The following FOXM1 variants were observed in gnomAD, a reference collection of about 807,000 sequenced individuals.
FOXM1 encodes the protein forkhead box protein M1.
Under a neutral mutation model 63.6 loss-of-function variants are expected in FOXM1, and 25 were observed. The ratio of observed to expected loss-of-function variants is 0.39; its 90% CI spans 0.29 to 0.55. FOXM1 has a LOEUF of 0.55. Among genes scored for constraint, FOXM1 ranks in the 20% least tolerant of loss-of-function variants. The pLI, the probability that FOXM1 is intolerant of heterozygous loss-of-function variation, is 0.60. For synonymous variants in FOXM1, 387 were observed against 376.9 expected, an observed-to-expected ratio of 1.03 and a Z score of -0.31; for missense variants, 879 against 958.7, an observed-to-expected ratio of 0.92 and a Z score of 1.10.
At chr12:2,861,269 C>A in intron 8 of FOXM1, 2 of 714,450 alleles carry the variant, frequency 2.8e-6, no homozygotes, top group Non-Finnish European at 5.0e-6. Flanking sequence ...TCCAAGTCAC[C>A]AAACATAATG....
Position 2,877,164 on chromosome 12 carries a change from G to C in FOXM1, c.-292C>G, listed in dbSNP as rs2098146888. ...TGTTCCGCTGTTTGAAATTGGCGCC[G>C]GCGGAGCGTTAAGGTCACGTGACGG... On this transcript the variant is annotated 5_prime_UTR_variant, in exon 1 of 9. Transcript: ENST00000359843. 6.6e-6 allele frequency: 1 copy of C among 152,238 alleles called. No homozygotes were observed. The highest frequency in any genetic ancestry group is 2.4e-5 in the African/African-American group (1 of 41,468). 9.4% of individuals were successfully genotyped at this position (152,238 alleles called of 1,614,324 possible).
intron 3 of FOXM1, among the ~76,000 whole-genome samples, chr12:2,869,602 CT>C (rs1364027229): frequency 6.6e-6 from 1 of 151,804 alleles, no homozygotes; most frequent in African/African-American, 2.4e-5. Context: ...CGCCCAGCTA[CT>C]TTTTTTGTAT....
At chr12:2,863,180 G>A (rs760093194) in intron 8 of FOXM1, among the ~76,000 whole-genome samples, 1 of 152,076 alleles carries the variant, frequency 6.6e-6, no homozygotes, top group Non-Finnish European at 1.5e-5. Context: ...GAAAACAAGG[G>A]ATACTGCTAA....
intron 1 of FOXM1, chr12:2,876,455 C>G (rs1409697907): frequency 6.6e-6 from 1 of 152,270 alleles, no homozygotes; most frequent in African/African-American, 2.4e-5. Flanking sequence ...GACCCATCCC[C>G]ATCCTGAGCG....
Position 2,859,292 on chromosome 12 carries a change from T to G in FOXM1, c.1638A>C (p.Arg546Ser). ...RERRERSRSR[R>S]KQHLLPPCVD... is the part of the protein sequence containing the mutation. ...CACAGGGAGGCAGTAGATGCTGTTTTCTCCGAGACCGGCTCCTCTCCCTCC... is the reference window on the plus strand; with the variant it reads ...CACAGGGAGGCAGTAGATGCTGTTTGCTCCGAGACCGGCTCCTCTCCCTCC... The change falls in exon 9 of 9, where the codon AGA becomes AGC. Residue 546 changes from arginine to serine, a missense_variant. Physicochemically the swap from Arg to Ser is moderately radical, Grantham distance 110. Around this residue, in one of 4 missense-constraint regions of FOXM1, gnomAD observed 486 missense variants for 453.5 expected, o/e 1.07. Transcript: ENST00000359843. 6.2e-7 allele frequency: 1 copy of G among 1,613,412 alleles called. No individual in the cohort carries two copies. The highest frequency in any genetic ancestry group is 8.5e-7 in the Non-Finnish European group (1 of 1,179,988).
At chr12:2,867,555 G>T (rs376627884) in intron 4 of FOXM1, among the ~76,000 whole-genome samples, 1 of 151,816 alleles carries the variant, frequency 6.6e-6, no homozygotes, top group African/African-American at 2.4e-5. Flanking sequence ...CCAGCTACTC[G>T]GGAAGCTGAG....
chr12:2,865,439 A>ACG, intron 5 of FOXM1, 40 bp from the exon 6 acceptor site: 1 of 1,563,422 alleles, frequency 6.4e-7, no homozygotes, highest in Non-Finnish European at 8.8e-7. Context: ...AATGAGATGA[A>ACG]GTTACCACCA....
chr12:2,864,998 A>G lies in FOXM1; in HGVS notation c.1021-246T>C, dbSNP rs2098120552. 3.4e-6 allele frequency: 2 copies of G among 594,922 alleles called. No homozygotes were observed. Among genetic ancestry groups the G allele is most frequent in the East Asian group, 2.8e-5 (1 of 35,458 alleles). 36.9% of individuals were successfully genotyped at this position (594,922 alleles called of 1,614,324 possible). ...CTACCGCTTCACCCACGTGTCCTCA[A>G]CACCCCTGGGGGATGCCAGAGCAGG... On this transcript the variant is annotated intron_variant, in intron 6 of 8. Transcript: ENST00000359843. The surrounding 1 kb of genome is among the most constrained non-coding windows in gnomAD (Gnocchi z 5.1).
At position 2,864,347 on chromosome 12, in the gene FOXM1, A is replaced by G. The variant is rs753071377; in HGVS notation, c.1239T>C (p.His413=). The G allele has an allele frequency of 1.2e-6, 2 of 1,612,140 alleles. No individual in the cohort carries two copies. Among genetic ancestry groups the G allele is most frequent in the South Asian group, 2.2e-5 (2 of 91,070 alleles). Residue 413 remains histidine (H), a synonymous_variant, in exon 8 of 9, where the codon CAT becomes CAC. Coordinates refer to ENST00000359843, the MANE Select transcript of FOXM1 (RefSeq NM_021953.4). This position sits in a 1 kb window ranked among gnomAD's most constrained non-coding sequence, Gnocchi z 5.1. ...TGGGGGCAATGCGGACTCGCTTGCT[A>G]TGGCGGGCAAGCTCTGAGCTCATGA... The part of the protein sequence containing the change: ...ASLMSSELAR[H]SKRVRIAPKV...
chr12:2,866,568 A>T, intron 4 of FOXM1, 47 bp from the exon 5 acceptor site: 1 of 1,477,858 alleles, frequency 6.8e-7, no homozygotes, highest in South Asian at 1.4e-5. Context: ...TTAGATTCAG[A>T]AACATCACCC....
At chr12:2,859,694 A>G in intron 8 of FOXM1, 31 bp from the exon 9 acceptor site, 2 of 1,530,652 alleles carry the variant, frequency 1.3e-6, no homozygotes, top group Non-Finnish European at 1.8e-6. Flanking sequence ...AGGTGAACCA[A>G]CGGTCACCAG....
chr12:2,867,075 C>A (rs915291213), intron 4 of FOXM1, among the ~76,000 whole-genome samples: 1 of 151,998 alleles, frequency 6.6e-6, no homozygotes, highest in Non-Finnish European at 1.5e-5. Flanking sequence ...ATCACTTGAA[C>A]CTGGGAGGCA....
Position 2,858,365 on chromosome 12 carries a change from C to A in FOXM1, c.*273G>T, listed in dbSNP as rs1246544201. The A allele has an allele frequency of 1.9e-5, 8 of 432,022 alleles. No individual in the cohort carries two copies. Among genetic ancestry groups the A allele is most frequent in the Non-Finnish European group, 3.3e-5 (8 of 240,870 alleles). 26.8% of individuals were successfully genotyped at this position (432,022 alleles called of 1,614,324 possible). On this transcript the variant is annotated 3_prime_UTR_variant, in exon 9 of 9. Coordinates refer to ENST00000359843, the MANE Select transcript of FOXM1 (RefSeq NM_021953.4). ...CTGCTGGGCAGAGAATGGAAACAGG[C>A]TGGGGGGTTCCTAATCTCTTTTCAC...
At position 2,870,084 on chromosome 12, in the gene FOXM1, G is replaced by A. The variant is rs149810178; in HGVS notation, c.655-1330C>T. Among the ~76,000 whole-genome samples, 1,447 of 150,956 alleles carry A rather than the reference G, an allele frequency of 9.6e-3. 26 individuals carry two copies. Among genetic ancestry groups the A allele is most frequent in the African/African-American group, 0.034 (1,377 of 41,078 alleles). On this transcript the variant is annotated intron_variant, in intron 3 of 8. Transcript: ENST00000359843. ...TGGCTCACCGCAAGCTCTGCCTCCT[G>A]GGTTCAAGTGATTCTCCTGCCTCAG...
chr12:2,861,984 G>T (rs1272870696), intron 8 of FOXM1, among the ~76,000 whole-genome samples: 3 of 152,060 alleles, frequency 2.0e-5, no homozygotes, highest in Admixed American at 6.6e-5. Context: ...CTCGAGACCA[G>T]CCTGACCAAC....
At chr12:2,863,263 C>T (rs1440503908) in intron 8 of FOXM1, among the ~76,000 whole-genome samples, 2 of 152,206 alleles carry the variant, frequency 1.3e-5, no homozygotes, top group African/African-American at 4.8e-5. Flanking sequence ...GTGAATAGTA[C>T]TTGAGAAACC....
chr12:2,867,365 G>A (rs937660025), intron 4 of FOXM1, among the ~76,000 whole-genome samples: 1 of 152,044 alleles, frequency 6.6e-6, no homozygotes, highest in African/African-American at 2.4e-5. Context: ...TACTTGGGAT[G>A]TTGAGGAGGG....
At chr12:2,865,528 C>G (rs2098121573) in intron 5 of FOXM1, 129 bp from the exon 6 acceptor site, 1 of 639,896 alleles carries the variant, frequency 1.6e-6, no homozygotes, top group Admixed American at 3.4e-5. Context: ...ACTGCCCCTC[C>G]CAGGAGAATG....
chr12:2,866,475 T>C lies in FOXM1; in HGVS notation c.893A>G (p.Glu298Gly). Residue 298 changes from glutamate to glycine, a missense_variant, in exon 5 of 9, where the codon GAG (glutamate) becomes GGG (glycine). Around this residue, in one of 4 missense-constraint regions of FOXM1, gnomAD observed 62 missense variants for 118.2 expected, o/e 0.52. Coordinates refer to ENST00000359843, the MANE Select transcript of FOXM1 (RefSeq NM_021953.4). ...GGAGACCTTGCCATTGGCAGACGTC[T>C]CCCGGACAAACATGTCGTGCAGGGA... ...NLSLHDMFVR[E>G]TSANGKVSFW... 1 of 1,572,082 alleles carries C rather than the reference T, an allele frequency of 6.4e-7. No homozygotes were observed.
Sources: allele counts gnomAD v4.1 joint callset (sites outside exome capture counted in the v4.1 genomes callset), GRCh38; gene constraint gnomAD v4.1.1; regional missense constraint gnomAD v4.1.1; non-coding constraint Gnocchi (gnomAD v3.1); transcripts MANE v1.5; gene names NCBI Gene and HGNC (gene_info 2026-07-23, HGNC 2026-07-21).